The following GON4L variants were observed in gnomAD, a reference collection of about 807,000 sequenced individuals.
GON4L encodes the protein gon-4 like.
Under a neutral mutation model 211.8 loss-of-function variants are expected in GON4L, and 87 were observed. The observed-to-expected ratio is 0.41, with a 90% CI of 0.35 to 0.49. GON4L has a LOEUF of 0.49. Among genes scored for constraint, GON4L ranks in the 20% least tolerant of loss-of-function variants. The pLI, the probability that GON4L is intolerant of heterozygous loss-of-function variation, is 0.15. For synonymous variants in GON4L, 875 were observed against 962.6 expected (o/e 0.91, Z 1.68); for missense variants, 2,155 against 2,659.5 (o/e 0.81, Z 4.17).
rs148292758 is a variant in GON4L at position 155,779,505 on chromosome 1, C to CG, written c.1893-1686dup. On this transcript the variant is annotated intron_variant, in intron 14 of 31. Transcript: ENST00000368331. ...CTAATTTTTGTATTTTTAGTAGAGA[C>CG]GGGGTTTCATCATGTTGGCCAGGAT... 5.6e-3 allele frequency among the ~76,000 whole-genome samples: 856 copies of CG among 151,594 alleles called. 4 individuals carry two copies. The highest frequency in any genetic ancestry group is 9.3e-3 in the Non-Finnish European group (630 of 67,888).
rs149894251 is a variant in GON4L at position 155,762,751 on chromosome 1, T to C, written c.4727-377A>G. The stretch of plus-strand genomic sequence containing the variant: ...TAAGGTAACAATCAGTTTAACAAAG[T>C]GAACTGCCAGGCACAGTGGCTCACG... On this transcript the variant is annotated intron_variant, in intron 22 of 31. Transcript: ENST00000368331. Among the ~76,000 whole-genome samples the C allele has an allele frequency of 2.3e-3, 344 of 152,268 alleles. 2 individuals carry two copies. Among genetic ancestry groups the C allele is most frequent in the South Asian group, 7.9e-3 (38 of 4,822 alleles).
chr1:155,761,959 C>G (rs1661853229), intron 23 of GON4L, among the ~76,000 whole-genome samples: 1 of 152,194 alleles, frequency 6.6e-6, no homozygotes, highest in Non-Finnish European at 1.5e-5. Flanking sequence ...CTGCCAATCT[C>G]TGGTCAACAG....
intron 27 of GON4L, 145 bp downstream of exon 27, chr1:155,756,813 C>T (rs902136999): frequency 2.7e-5 from 17 of 630,154 alleles, no homozygotes; most frequent in African/African-American, 2.6e-4. Flanking sequence ...TCTGTAATTC[C>T]AGCTACTTGA....
intron 2 of GON4L, chr1:155,831,493 A>G (rs1669766489): frequency 6.7e-6 from 1 of 150,346 alleles, no homozygotes; most frequent in African/African-American, 2.4e-5. Context: ...AAATAAATAA[A>G]TAAATAAAAA....
At position 155,753,432 on chromosome 1, in the gene GON4L, C is replaced by T. The variant is rs756353710; in HGVS notation, c.5632-18G>A. 7.5e-6 allele frequency: 12 copies of T among 1,597,056 alleles called. No individual in the cohort carries two copies. In the East Asian group the frequency reaches 8.9e-5, roughly 12 times the overall value. ...TCACAGACCTGCAGGGATGGTCTTC[C>T]GGGTCAAAGGTGTTCTGACTGCCTA... On this transcript the variant is annotated intron_variant, in intron 28 of 31. Coordinates refer to ENST00000368331, the MANE Select transcript of GON4L (RefSeq NM_001282860.2).
At chr1:155,798,640 C>T (rs112438511) in intron 11 of GON4L, among the ~76,000 whole-genome samples, 2 of 141,608 alleles carry the variant, frequency 1.4e-5, no homozygotes, top group East Asian at 2.0e-4. Flanking sequence ...AGGATGGTCT[C>T]GATCTCCCGA....
At chr1:155,831,305 A>G (rs1669740761) in intron 2 of GON4L, among the ~76,000 whole-genome samples, 1 of 152,032 alleles carries the variant, frequency 6.6e-6, no homozygotes, top group African/African-American at 2.4e-5. Flanking sequence ...TCTAAAAAAA[A>G]GTTATGTGTG....
intron 18 of GON4L, 52 bp from the exon 19 acceptor site, chr1:155,771,269 G>A (rs148218730): frequency 1.9e-6 from 3 of 1,609,646 alleles, no homozygotes; most frequent in Admixed American, 3.3e-5. Context: ...TCCTTCTAAA[G>A]GGTCTCCCCA....
intron 21 of GON4L, among the ~76,000 whole-genome samples, chr1:155,764,158 T>C (rs1239331548): frequency 1.3e-5 from 2 of 152,036 alleles, no homozygotes; most frequent in African/African-American, 4.8e-5. Flanking sequence ...TGAAGATAGT[T>C]TTCAGGCTGG....
intron 14 of GON4L, among the ~76,000 whole-genome samples, chr1:155,781,148 TTA>T (rs1187339176): frequency 6.6e-6 from 1 of 151,424 alleles, no homozygotes; most frequent in African/African-American, 2.4e-5. Flanking sequence ...ATTATTACTA[TTA>T]TTTTTTTTTG....
intron 10 of GON4L, among the ~76,000 whole-genome samples, chr1:155,809,992 T>TTATATATATA (rs376035223): frequency 5.1e-4 from 6 of 11,686 alleles, no homozygotes; most frequent in Non-Finnish European, 5.5e-4. Context: ...ATATATATAA[T>TTATATATATA]TATATATATA....
chr1:155,845,480 C>A, intron 2 of GON4L: 1 of 350,874 alleles, frequency 2.9e-6, no homozygotes, highest in Non-Finnish European at 5.7e-6. Flanking sequence ...GAAATGCATT[C>A]TTCATGTGCT....
rs375713335 is a variant in GON4L, at chr1:155,766,466, G to A, written c.3007C>T (p.Pro1003Ser). Residue 1003 changes from proline (P) to serine (S), a missense_variant, in exon 21 of 32, where the codon CCC (proline) becomes TCC (serine). Pro to Ser is a moderately conservative substitution (Grantham distance 74). This residue lies in a region of GON4L where 615 missense variants were observed against 625.7 expected (regional missense o/e 0.98). Coordinates refer to ENST00000368331, the MANE Select transcript of GON4L (RefSeq NM_001282860.2). Reference protein sequence around the residue: ...WRQKRSSVLKPLLIQPSPSLQ... With the variant: ...WRQKRSSVLKSLLIQPSPSLQ... ...GAGGGGCTGGGTTGGATAAGGAGGG[G>A]CTTCAGGACTGATGAACGCTTCTGT... 3.7e-6 allele frequency: 6 copies of A among 1,613,990 alleles called. No individual in the cohort carries two copies. Among genetic ancestry groups the A allele is most frequent in the South Asian group, 1.1e-5 (1 of 91,082 alleles).
At chr1:155,833,646 CAAAAAAAAAAA>C (rs59340708) in intron 2 of GON4L, among the ~76,000 whole-genome samples, 4 of 16,402 alleles carry the variant, frequency 2.4e-4, no homozygotes, top group African/African-American at 6.1e-4. Context: ...ACTCTGTCTC[CAAAAAAAAAAA>C]AAAAAAAAAA....
At chr1:155,853,189 G>T (rs1480877835) in intron 2 of GON4L, 87 bp downstream of exon 2, 3 of 1,132,084 alleles carry the variant, frequency 2.6e-6, no homozygotes, top group African/African-American at 3.0e-5. Context: ...TCCCCTTTCA[G>T]AAATACTACT....
chr1:155,798,344 A>C (rs1304562066), intron 11 of GON4L, among the ~76,000 whole-genome samples: 1 of 150,266 alleles, frequency 6.7e-6, no homozygotes, highest in Non-Finnish European at 1.5e-5. Flanking sequence ...TTAGGAATAG[A>C]ATACTGTCTT....
At chr1:155,754,236 T>C in intron 28 of GON4L, 139 bp downstream of exon 28, 1 of 714,788 alleles carries the variant, frequency 1.4e-6, no homozygotes, top group Non-Finnish European at 2.6e-6. Flanking sequence ...TTCCATTTAT[T>C]TTGCATATGT....
chr1:155,808,103 C>G (rs1017730219), intron 10 of GON4L, among the ~76,000 whole-genome samples: 1 of 151,326 alleles, frequency 6.6e-6, no homozygotes. Flanking sequence ...GGGGCATGAT[C>G]TCAGCTCACT....
rs1184978053 is a variant in GON4L at position 155,814,413 on chromosome 1, A to G, written c.1198T>C (p.Ser400Pro). 6.2e-7 allele frequency: 1 copy of G among 1,613,586 alleles called. No homozygotes were observed. Among genetic ancestry groups the G allele is most frequent in the Admixed American group, 1.7e-5 (1 of 59,998 alleles). Residue 400 changes from serine (S) to proline (P), a missense_variant, in exon 9 of 32, where the codon TCT (serine) becomes CCT (proline). Ser to Pro is a moderately conservative substitution (Grantham distance 74). Coordinates refer to ENST00000368331, the MANE Select transcript of GON4L (RefSeq NM_001282860.2). Reference protein sequence around the residue: ...LESDVESTASSPRGAKKSRLR... With the variant: ...LESDVESTASPPRGAKKSRLR... Reference sequence around the variant, plus strand: ...CTGGATTTCTTTGCCCCACGTGGAGATGAAGCAGTGCTTTCAACATCACTT... The same window carrying G: ...CTGGATTTCTTTGCCCCACGTGGAGGTGAAGCAGTGCTTTCAACATCACTT...
Sources: allele counts gnomAD v4.1 joint callset (sites outside exome capture counted in the v4.1 genomes callset), GRCh38; gene constraint gnomAD v4.1.1; regional missense constraint gnomAD v4.1.1; transcripts MANE v1.5; gene names NCBI Gene and HGNC (gene_info 2026-07-23, HGNC 2026-07-21).